The following PGR variants were observed in gnomAD, a reference collection of about 807,000 sequenced individuals.
The protein encoded by PGR is nuclear receptor subfamily 3 group C member 3.
Under a neutral mutation model 76.1 loss-of-function variants are expected in PGR, and 25 were observed. The ratio of observed to expected loss-of-function variants is 0.33; its 90% CI spans 0.24 to 0.46. PGR has a LOEUF of 0.46. Among genes scored for constraint, PGR ranks in the 20% least tolerant of loss-of-function variants. The pLI is 1.00. For missense variants in PGR, 1,172 were observed against 1,225.3 expected (o/e 0.96, Z 0.65); for synonymous variants, 579 against 535.0 (o/e 1.08, Z -1.14).
In PGR at chr11:101,062,733, G is replaced by A. The variant is rs374105960; in HGVS notation, c.1926C>T (p.Phe642=). 5 of 1,610,886 alleles carry A rather than the reference G, an allele frequency of 3.1e-6. No individual in the cohort carries two copies. The African/African-American group carries it at 6.7e-5, about 22-fold the overall frequency. Residue 642 remains phenylalanine (F), a synonymous_variant, in exon 4 of 8, where the codon TTC becomes TTT. Transcript: ENST00000325455. ...GTGCTCTCACAACTCTGACTTTATTGAACTTTTTAAATTTTCGACCTACAG... is the reference window on the plus strand; with the variant it reads ...GTGCTCTCACAACTCTGACTTTATTAAACTTTTTAAATTTTCGACCTACAG... ...MVLGGRKFKK[F]NKVRVVRALD...
chr11:101,122,486 C>T (rs1254738401), intron 2 of PGR, among the ~76,000 whole-genome samples: 1 of 152,150 alleles, frequency 6.6e-6, no homozygotes, highest in Non-Finnish European at 1.5e-5. Context: ...TAGTAGTCTG[C>T]ATTTGTAGGA....
intron 2 of PGR, among the ~76,000 whole-genome samples, chr11:101,110,512 C>T (rs918982306): frequency 6.6e-6 from 1 of 152,264 alleles, no homozygotes; most frequent in East Asian, 1.9e-4. Flanking sequence ...TTGCTAAAAT[C>T]TCATAAAATT....
intron 2 of PGR, among the ~76,000 whole-genome samples, chr11:101,093,903 C>A (rs550873338): frequency 6.6e-6 from 1 of 152,358 alleles, no homozygotes; most frequent in South Asian, 2.1e-4. Context: ...TGGCATGCTG[C>A]TGATCTGTCT....
At chr11:101,062,310 C>A in intron 4 of PGR, 137 bp downstream of exon 4, 1 of 683,066 alleles carries the variant, frequency 1.5e-6, no homozygotes, top group Non-Finnish European at 2.5e-6. Context: ...ATATTTTGAA[C>A]TGCTCAAACA....
chr11:101,067,457 G>A (rs1292479767), intron 3 of PGR, among the ~76,000 whole-genome samples: 4 of 151,714 alleles, frequency 2.6e-5, no homozygotes, highest in Non-Finnish European at 5.9e-5. Context: ...TACCTAAAAC[G>A]GCAAGGACAC....
At chr11:101,126,765 A>C (rs1013294346) in intron 1 of PGR, among the ~76,000 whole-genome samples, 1 of 152,098 alleles carries the variant, frequency 6.6e-6, no homozygotes, top group Non-Finnish European at 1.5e-5. Flanking sequence ...ACCTGTATAT[A>C]AAAAAAATTG....
At chr11:101,071,906 G>C (rs1479663951) in intron 3 of PGR, among the ~76,000 whole-genome samples, 1 of 151,976 alleles carries the variant, frequency 6.6e-6, no homozygotes, top group Non-Finnish European at 1.5e-5. Flanking sequence ...AACACTCTTC[G>C]GGATAGTATC....
rs1007148970 is a variant in PGR, at chr11:101,033,425, C to T, written c.*5691G>A. ...TAATTGTATGTAATATATTATGACC[C>T]CAAAGCTCTGGATCTTAACCTAGTT... On this transcript the variant is annotated 3_prime_UTR_variant, in exon 8 of 8. Coordinates refer to ENST00000325455, the MANE Select transcript of PGR (RefSeq NM_000926.4). 8.9e-5 allele frequency: 17 copies of T among 191,232 alleles called. No individual in the cohort carries two copies. In the Admixed American group the frequency reaches 9.8e-4, roughly 11 times the overall value. The allele number at this position is 191,232 out of a possible 1,614,324, so 11.8% of individuals were successfully genotyped here. A position where few individuals can be genotyped will look rare whatever the true frequency, so the allele number is the denominator to read the frequency against.
intron 3 of PGR, among the ~76,000 whole-genome samples, chr11:101,089,702 AAAG>A (rs1861611554): frequency 6.6e-6 from 1 of 151,886 alleles, no homozygotes; most frequent in South Asian, 2.1e-4. Context: ...GGGAGGAAGG[AAAG>A]AAGAAGGAAG....
Position 101,128,413 on chromosome 11 carries a change from C to G in PGR, c.658G>C (p.Glu220Gln). Reference protein sequence around the residue: ...VKPSPQAAAVEVEEEDGSESE... With the variant: ...VKPSPQAAAVQVEEEDGSESE... ...TCAGAGCCATCCTCCTCCTCAACCT[C>G]CACCGCAGCGGCCTGCGGAGACGGC... The change falls in exon 1 of 8, where the codon GAG becomes CAG. Residue 220 changes from glutamate to glutamine, a missense_variant. By Grantham distance (29) the Glu-to-Gln change is conservative. This residue lies in a region of PGR where 893 missense variants were observed against 785.9 expected (regional missense o/e 1.14). Transcript: ENST00000325455. The G allele has an allele frequency of 6.2e-7, 1 of 1,610,818 alleles. No individual in the cohort carries two copies.
chr11:101,048,102 A>ACTT (rs1346169276), intron 6 of PGR, among the ~76,000 whole-genome samples: 3 of 152,166 alleles, frequency 2.0e-5, no homozygotes, highest in African/African-American at 7.2e-5. Context: ...TTTGCAAGCC[A>ACTT]CTAGGAAGGG....
At position 101,127,500 on chromosome 11, in the gene PGR, C is replaced by T. The variant is rs765451450; in HGVS notation, c.1571G>A (p.Gly524Asp). Reference sequence around the variant, plus strand: ...CTCCTTGAGCACGGCGGCCTGGTAGCCGAGCTGCGGGAGCCCGTTGAGGCC... The same window carrying T: ...CTCCTTGAGCACGGCGGCCTGGTAGTCGAGCTGCGGGAGCCCGTTGAGGCC... ...ALGLNGLPQL[G>D]YQAAVLKEGL... The change falls in exon 1 of 8, where the codon GGC (glycine) becomes GAC (aspartate). Residue 524 changes from glycine to aspartate, a missense_variant. By Grantham distance (94) the Gly-to-Asp change is moderately conservative. Around this residue, in one of 4 missense-constraint regions of PGR, gnomAD observed 893 missense variants for 785.9 expected, o/e 1.14. Coordinates refer to ENST00000325455, the MANE Select transcript of PGR (RefSeq NM_000926.4). The T allele has an allele frequency of 6.5e-6, 10 of 1,548,696 alleles. No individual in the cohort carries two copies.
Position 101,062,678 on chromosome 11 carries a change from C to T in PGR, c.1981G>A (p.Gly661Ser), listed in dbSNP as rs1860549525. The change falls in exon 4 of 8, where the codon GGC (glycine) becomes AGC (serine). Residue 661 changes from glycine (G) to serine (S), a missense_variant. Transcript: ENST00000325455. ...AGGGCTTGGCTTTCATTTGGAACGC[C>T]CACTGGCTGTGGGAGAGCAACAGCA... ...LDAVALPQPV[G>S]VPNESQALSQ... is the part of the protein sequence containing the mutation. The T allele has an allele frequency of 1.2e-6, 2 of 1,613,856 alleles. No homozygotes were observed. Among genetic ancestry groups the T allele is most frequent in the Non-Finnish European group, 1.7e-6 (2 of 1,179,916 alleles).
At chr11:101,105,164 T>C (rs1862111111) in intron 2 of PGR, among the ~76,000 whole-genome samples, 1 of 151,768 alleles carries the variant, frequency 6.6e-6, no homozygotes, top group South Asian at 2.1e-4. Context: ...GCAGATGCTG[T>C]AGGGCCTTGA....
At chr11:101,059,558 G>A (rs1215124719) in intron 4 of PGR, among the ~76,000 whole-genome samples, 1 of 152,070 alleles carries the variant, frequency 6.6e-6, no homozygotes, top group Non-Finnish European at 1.5e-5. Flanking sequence ...AAGGGGTGGG[G>A]TGCGGTGAGT....
intron 1 of PGR, 127 bp from the exon 2 acceptor site, chr11:101,126,285 G>A (rs1862836022): frequency 1.2e-6 from 1 of 843,040 alleles, no homozygotes; most frequent in East Asian, 2.7e-5. Flanking sequence ...ATATACACTT[G>A]AAAGACATGC....
rs572186926 is a variant in PGR at position 101,073,865 on chromosome 11, G to A, written c.1907-11113C>T. 2.0e-5 allele frequency among the ~76,000 whole-genome samples: 3 copies of A among 152,196 alleles called. No individual in the cohort carries two copies. In the Middle Eastern group the frequency reaches 0.01, roughly 521 times the overall value. On this transcript the variant is annotated intron_variant, in intron 3 of 7. Coordinates refer to ENST00000325455, the MANE Select transcript of PGR (RefSeq NM_000926.4). ...TAGCCTACCAACCAAAAAAACCCCA[G>A]GACCAGACAGATTCATAGCTGAATT...
rs535367824 is a variant in PGR, at chr11:101,051,661, C to T, written c.2213-93G>A. 1.5e-4 allele frequency: 133 copies of T among 904,634 alleles called. 2 individuals carry two copies. The African/African-American group carries it at 1.8e-3, about 12-fold the overall frequency. 56.0% of individuals were successfully genotyped at this position (904,634 alleles called of 1,614,324 possible). On this transcript the variant is annotated intron_variant, in intron 4 of 7. Transcript: ENST00000325455. The stretch of plus-strand genomic sequence containing the variant: ...ACATATAAATCTGAAAATAGGTATG[C>T]GTAGGGTAATAAAATGTTTTCAATC...
intron 2 of PGR, among the ~76,000 whole-genome samples, chr11:101,116,276 CTTT>C (rs1294804531): frequency 6.6e-6 from 1 of 152,174 alleles, no homozygotes; most frequent in African/African-American, 2.4e-5. Context: ...AAGTTTCATT[CTTT>C]GTTAGTCTCT....
Sources: allele counts gnomAD v4.1 joint callset (sites outside exome capture counted in the v4.1 genomes callset), GRCh38; gene constraint gnomAD v4.1.1; regional missense constraint gnomAD v4.1.1; transcripts MANE v1.5; gene names NCBI Gene and HGNC (gene_info 2026-07-23, HGNC 2026-07-21).